Variants in CYRIB observed in about 807,000 individuals in gnomAD.
CYRIB encodes the protein CYFIP related Rac1 interactor B, also known as CYFIP-related Rac1 interactor B.
CYRIB carries 8 observed loss-of-function variants against 44.2 expected under a neutral mutation model. The ratio of observed to expected loss-of-function variants is 0.18; its 90% CI spans 0.11 to 0.33. The LOEUF is 0.33. CYRIB is among the 10% of genes least tolerant of loss of function. CYRIB has a pLI of 1.00. For synonymous variants in CYRIB, 131 were observed against 127.2 expected (o/e 1.03, Z -0.20); for missense variants, 185 against 382.8 (o/e 0.48, Z 4.31).
intron 4 of CYRIB, among the ~76,000 whole-genome samples, chr8:129,870,287 T>C (rs895084655): frequency 1.3e-5 from 2 of 152,096 alleles, no homozygotes; most frequent in Admixed American, 1.3e-4. Context: ...GGCATGGTGG[T>C]GAGTGCCAGC....
chr8:129,883,068 G>A (rs569899041), intron 2 of CYRIB, among the ~76,000 whole-genome samples: 3 of 118,522 alleles, frequency 2.5e-5, no homozygotes, highest in East Asian at 2.8e-4. Flanking sequence ...CCAAGATCAC[G>A]CCACTGCACA....
At chr8:129,841,002 C>A (rs2130792804) in exon 12 of CYRIB, 1 of 152,324 alleles carries the variant, frequency 6.6e-6, no homozygotes, top group South Asian at 2.1e-4. Context: ...TTTGTTCCAA[C>A]CATGAGATTT....
At chr8:129,996,862 A>G (rs1313688177) in intron 1 of CYRIB, among the ~76,000 whole-genome samples, 1 of 152,094 alleles carries the variant, frequency 6.6e-6, no homozygotes, top group East Asian at 1.9e-4. Flanking sequence ...AAGAAAGAAA[A>G]GGATTCCTAA....
In CYRIB at chr8:129,883,881, C is replaced by T. The variant is rs73710956; in HGVS notation, c.-10-4410G>A. Among the ~76,000 whole-genome samples the T allele has an allele frequency of 6.8e-3, 1,032 of 152,314 alleles. 11 individuals carry two copies. The highest frequency in any genetic ancestry group is 0.023 in the African/African-American group (942 of 41,568). Reference sequence around the variant, plus strand: ...TTAATAATAAGCACCACATTTAGTGCCATACCTGGCAGTTTATTTACTATT... The same window carrying T: ...TTAATAATAAGCACCACATTTAGTGTCATACCTGGCAGTTTATTTACTATT... On this transcript the variant is annotated intron_variant, in intron 2 of 11. Transcript: ENST00000519824.
At chr8:129,897,994 GACCAGGTGATCC>G (rs910155072) in intron 2 of CYRIB, among the ~76,000 whole-genome samples, 1 of 151,984 alleles carries the variant, frequency 6.6e-6, no homozygotes, top group African/African-American at 2.4e-5. Context: ...TTGAGCTCCT[GACCAGGTGATCC>G]ACCCGCCTCG....
intron 2 of CYRIB, among the ~76,000 whole-genome samples, chr8:129,898,111 A>T (rs1223422988): frequency 6.7e-6 from 1 of 149,208 alleles, no homozygotes; most frequent in Non-Finnish European, 1.5e-5. Context: ...TTTTTAAAGG[A>T]ATACTCATCA....
At chr8:129,955,943 G>C (rs2094801778) in intron 2 of CYRIB, among the ~76,000 whole-genome samples, 1 of 152,208 alleles carries the variant, frequency 6.6e-6, no homozygotes, top group African/African-American at 2.4e-5. Context: ...AGGTTATGCT[G>C]TGGTAACAAA....
chr8:129,923,961 AG>A (rs1175562161), intron 1 of CYRIB, among the ~76,000 whole-genome samples: 2 of 151,066 alleles, frequency 1.3e-5, no homozygotes, highest in Non-Finnish European at 2.9e-5. Flanking sequence ...AAAGTAAATG[AG>A]GAAAATGAAT....
intron 1 of CYRIB, among the ~76,000 whole-genome samples, chr8:130,011,165 C>T (rs1346491727): frequency 1.3e-5 from 2 of 152,146 alleles, no homozygotes; most frequent in Non-Finnish European, 2.9e-5. Context: ...CCCGGGGGGA[C>T]TCCTGGCACA....
intron 2 of CYRIB, among the ~76,000 whole-genome samples, chr8:129,946,691 G>A (rs2094161484): frequency 1.3e-5 from 2 of 152,162 alleles, no homozygotes; most frequent in Non-Finnish European, 2.9e-5. Flanking sequence ...TGTCCTTAGA[G>A]CCATATTTCC....
intron 2 of CYRIB, 173 bp from the exon 5 acceptor site, chr8:129,879,644 T>C: frequency 1.7e-6 from 1 of 575,880 alleles, no homozygotes; most frequent in Non-Finnish European, 3.0e-6. Context: ...AAGGTGTTGA[T>C]ATGTAGGACC....
rs1315014358 is a variant in CYRIB, at chr8:129,906,217, G to A, written c.-49-2867C>T. Reference sequence around the variant, plus strand: ...CTTCAAACTATACTACAAGGCTACAGTAACCAAAACAGCATGCTACTGGTA... The same window carrying A: ...CTTCAAACTATACTACAAGGCTACAATAACCAAAACAGCATGCTACTGGTA... On this transcript the variant is annotated intron_variant, in intron 1 of 11. Transcript: ENST00000519824. Among the ~76,000 whole-genome samples the A allele has an allele frequency of 9.8e-5, 15 of 152,290 alleles. 1 individual carries two copies. The South Asian group carries it at 2.9e-3, about 29-fold the overall frequency.
intron 1 of CYRIB, among the ~76,000 whole-genome samples, chr8:130,010,707 C>T (rs1387303539): frequency 6.6e-6 from 1 of 152,186 alleles, no homozygotes; most frequent in East Asian, 1.9e-4. Flanking sequence ...TGTGTGTTTT[C>T]GCATGCATGC....
chr8:129,935,691 T>C (rs1482216788), intron 1 of CYRIB, among the ~76,000 whole-genome samples: 3 of 152,126 alleles, frequency 2.0e-5, no homozygotes, highest in Non-Finnish European at 2.9e-5. Context: ...CAAGAAGAGA[T>C]TACTGCATTA....
At position 130,016,137 on chromosome 8, in the gene CYRIB, A is replaced by G. The variant is rs959509756; in HGVS notation, c.-296+233T>C. On this transcript the variant is annotated intron_variant, in intron 1 of 14. Coordinates refer to the CYRIB transcript ENST00000401979. The stretch of plus-strand genomic sequence containing the variant: ...CCGCCCGCCGCCCCCCGCGCACTCG[A>G]GGCGCCTCCCCCGGGACCCCCGCGC... 4.5e-3 allele frequency among the ~76,000 whole-genome samples: 658 copies of G among 146,048 alleles called. 4 individuals are homozygous for G. Among genetic ancestry groups the G allele is most frequent in the Middle Eastern group, 0.014 (4 of 278 alleles).
At chr8:129,898,529 T>C (rs990637709) in intron 2 of CYRIB, among the ~76,000 whole-genome samples, 4 of 152,224 alleles carry the variant, frequency 2.6e-5, no homozygotes, top group Admixed American at 2.6e-4. Context: ...TTGTCAGGTC[T>C]TTCTGTTTGA....
intron 1 of CYRIB, among the ~76,000 whole-genome samples, chr8:130,015,428 T>C (rs1335532128): frequency 6.6e-6 from 1 of 152,058 alleles, no homozygotes; most frequent in Non-Finnish European, 1.5e-5. Context: ...GACGGGACCC[T>C]AAGACTCAGA....
At chr8:130,003,584 C>A (rs1226075327) in intron 1 of CYRIB, among the ~76,000 whole-genome samples, 1 of 152,194 alleles carries the variant, frequency 6.6e-6, no homozygotes, top group African/African-American at 2.4e-5. Flanking sequence ...AATGAGAGAT[C>A]CATAATGCAT....
exon 3 of CYRIB, chr8:129,879,437 T>C: frequency 6.2e-7 from 1 of 1,611,078 alleles, no homozygotes; most frequent in Non-Finnish European, 8.5e-7. Context: ...TCTGTGCATG[T>C]CAAAACTTTA....
Sources: allele counts gnomAD v4.1 joint callset (sites outside exome capture counted in the v4.1 genomes callset), GRCh38; gene constraint gnomAD v4.1.1; transcripts MANE v1.5; gene names NCBI Gene and HGNC (gene_info 2026-07-23, HGNC 2026-07-21).